FILIP1: variants seen among roughly 807,000 people sequenced by gnomAD.
FILIP1 encodes filamin A interacting protein 1.
In FILIP1, 61 loss-of-function variants were observed where a neutral mutation model predicts 102.1. The observed-to-expected ratio is 0.60, with a 90% CI of 0.49 to 0.74. The LOEUF (loss-of-function observed/expected upper bound fraction) is 0.74. Ranked by LOEUF, FILIP1 falls within the 30% of genes least tolerant of loss-of-function variation. The probability of loss-of-function intolerance (pLI) is 0.00; values close to 1 mark genes in which losing one functional copy is unlikely to be tolerated. For missense variants in FILIP1, 1,314 were observed against 1,441.2 expected, an observed-to-expected ratio of 0.91 and a Z score of 1.43; for synonymous variants, 491 against 526.9, an observed-to-expected ratio of 0.93 and a Z score of 0.93.
At chr6:75,481,206 T>C (rs796497050) in intron 1 of FILIP1, among the ~76,000 whole-genome samples, 6 of 152,254 alleles carry the variant, frequency 3.9e-5, no homozygotes, top group African/African-American at 1.4e-4. Flanking sequence ...GAAATTGCCA[T>C]TGTTTTACCC....
At chr6:75,398,769 A>G (rs780734557) in intron 2 of FILIP1, 2 of 152,192 alleles carry the variant, frequency 1.3e-5, no homozygotes, top group Non-Finnish European at 2.9e-5. Context: ...ATTCTTAAAA[A>G]CATTTAATAA....
intron 4 of FILIP1, among the ~76,000 whole-genome samples, chr6:75,320,947 C>T (rs960271929): frequency 1.3e-5 from 2 of 152,200 alleles, no homozygotes; most frequent in Admixed American, 6.5e-5. Flanking sequence ...TATAAAACAG[C>T]TATGGGAGTA....
At chr6:75,318,810 G>C (rs1773533725) in intron 4 of FILIP1, among the ~76,000 whole-genome samples, 1 of 151,742 alleles carries the variant, frequency 6.6e-6, no homozygotes. Context: ...CCTCCATACT[G>C]TCCCAGGCAA....
At chr6:75,440,683 G>A (rs575816289) in intron 1 of FILIP1, among the ~76,000 whole-genome samples, 32 of 152,272 alleles carry the variant, frequency 2.1e-4, no homozygotes, top group East Asian at 5.8e-4. Flanking sequence ...CAGGCCGGAC[G>A]CAGTGGCCTG....
At position 75,482,394 on chromosome 6, in the gene FILIP1, T is replaced by G. The variant is rs1385413000; in HGVS notation, c.-7+11020A>C. 2.6e-5 allele frequency among the ~76,000 whole-genome samples: 4 copies of G among 152,200 alleles called. No individual in the cohort carries two copies. The East Asian group carries it at 7.7e-4, about 29-fold the overall frequency. ...AAATGGCAGCTGTTGCTTTACCACT[T>G]GTAGAGGAGTGGAGCAATCCTAACT... On this transcript the variant is annotated intron_variant, in intron 1 of 5. Coordinates refer to ENST00000237172, the MANE Select transcript of FILIP1 (RefSeq NM_015687.5).
chr6:75,475,400 C>A (rs1390369660), intron 1 of FILIP1, among the ~76,000 whole-genome samples: 1 of 152,134 alleles, frequency 6.6e-6, no homozygotes, highest in East Asian at 1.9e-4. Context: ...CTCCTGAAAT[C>A]AGCTCACAGT....
intron 6 of FILIP1, chr6:75,296,007 T>C (rs1200419570): frequency 8.3e-7 from 1 of 1,207,560 alleles, no homozygotes; most frequent in African/African-American, 1.6e-5. Context: ...AGAATCAAGC[T>C]ACATCATTTC....
chr6:75,337,527 G>T (rs2149585504), intron 4 of FILIP1, among the ~76,000 whole-genome samples: 1 of 152,098 alleles, frequency 6.6e-6, no homozygotes, highest in Non-Finnish European at 1.5e-5. Flanking sequence ...AATGCAATAT[G>T]CTTTCATCTC....
At chr6:75,413,438 G>A (rs1777142994) in intron 2 of FILIP1, among the ~76,000 whole-genome samples, 1 of 152,140 alleles carries the variant, frequency 6.6e-6, no homozygotes, top group Admixed American at 6.6e-5. Context: ...AAATGCCAAT[G>A]TGATTTTTCT....
intron 1 of FILIP1, among the ~76,000 whole-genome samples, chr6:75,476,072 C>T (rs1203618701): frequency 6.6e-6 from 1 of 151,946 alleles, no homozygotes; most frequent in African/African-American, 2.4e-5. Flanking sequence ...AAAATCCCAT[C>T]TCTACTAAAA....
At chr6:75,386,650 T>A (rs1230398787) in intron 2 of FILIP1, among the ~76,000 whole-genome samples, 1 of 152,146 alleles carries the variant, frequency 6.6e-6, no homozygotes, top group Non-Finnish European at 1.5e-5. Context: ...TCCTGAGGTG[T>A]CTGGGCGTTG....
chr6:75,428,142 C>T, intron 1 of FILIP1, among the ~76,000 whole-genome samples: 1 of 152,152 alleles, frequency 6.6e-6, no homozygotes, highest in East Asian at 1.9e-4. Flanking sequence ...CTCAAATCCC[C>T]TTTTCTTTGC....
At chr6:75,296,020 T>C in intron 6 of FILIP1, 1 of 1,068,494 alleles carries the variant, frequency 9.4e-7, no homozygotes, top group South Asian at 2.2e-5. Flanking sequence ...ATCATTTCAC[T>C]AAAAGATCAT....
chr6:75,385,381 G>T (rs377632969), intron 2 of FILIP1, among the ~76,000 whole-genome samples: 2 of 152,270 alleles, frequency 1.3e-5, no homozygotes, highest in South Asian at 2.1e-4. Flanking sequence ...ACTTGAAGGA[G>T]TGCTGGCATA....
Position 75,314,173 on chromosome 6 carries a change from T to C in FILIP1, c.1659A>G (p.Lys553=), listed in dbSNP as rs540413529. ...VTEKLIEESK[K]LLKLKSEMEE... is the part of the protein sequence containing the mutation. ...CCATTTCAGATTTTAGTTTTAAAAG[T>C]TTCTTACTTTCTTCAATTAGTTTTT... Residue 553 remains lysine (K), a synonymous_variant, in exon 5 of 6, where the codon AAA becomes AAG. Coordinates refer to ENST00000237172, the MANE Select transcript of FILIP1 (RefSeq NM_015687.5). The C allele has an allele frequency of 6.5e-7, 1 of 1,545,136 alleles. No individual in the cohort carries two copies. Among genetic ancestry groups the C allele is most frequent in the Non-Finnish European group, 8.6e-7 (1 of 1,157,770 alleles).
At chr6:75,453,438 G>A (rs1012364840) in intron 1 of FILIP1, among the ~76,000 whole-genome samples, 4 of 152,298 alleles carry the variant, frequency 2.6e-5, no homozygotes, top group Non-Finnish European at 5.9e-5. Flanking sequence ...TAGTCATTCA[G>A]TAAATATCTG....
chr6:75,303,580 C>T (rs1342658661), downstream of FILIP1, among the ~76,000 whole-genome samples: 3 of 152,144 alleles, frequency 2.0e-5, no homozygotes, highest in Admixed American at 2.0e-4. Flanking sequence ...AAGTTCTGGA[C>T]CCAGACATAA....
chr6:75,294,237 C>G (rs2149529410), exon 7 of FILIP1: 1 of 152,264 alleles, frequency 6.6e-6, no homozygotes, highest in East Asian at 1.9e-4. Flanking sequence ...TGAGCACAAC[C>G]TGTGAACTAG....
intron 1 of FILIP1, among the ~76,000 whole-genome samples, chr6:75,450,610 C>T (rs1332667216): frequency 1.3e-5 from 2 of 149,692 alleles, no homozygotes; most frequent in African/African-American, 4.9e-5. Flanking sequence ...TGACACTGCA[C>T]TCCAGCCTGG....
Sources: gnomAD v4.1 joint callset for allele counts (sites outside exome capture counted in the v4.1 genomes callset) on GRCh38, gnomAD v4.1.1 for gene constraint, MANE v1.5 for transcripts, NCBI Gene and HGNC (gene_info 2026-07-23, HGNC 2026-07-21) for gene names.